Variants in RASAL2 observed in about 807,000 individuals in gnomAD.
The protein encoded by RASAL2 is ras GTPase-activating protein nGAP.
Under a neutral mutation model 128.9 loss-of-function variants are expected in RASAL2, and 58 were observed. The ratio of observed to expected loss-of-function variants is 0.45; its 90% CI spans 0.36 to 0.56. The LOEUF is 0.56. RASAL2 is among the 20% of genes least tolerant of loss of function. The pLI, the probability that RASAL2 is intolerant of heterozygous loss-of-function variation, is 0.00. For synonymous variants in RASAL2, 561 were observed against 580.8 expected, an observed-to-expected ratio of 0.97 and a Z score of 0.49; for missense variants, 1,360 against 1,601.6, an observed-to-expected ratio of 0.85 and a Z score of 2.57.
At chr1:178,440,745 C>T (rs1353628165) in intron 6 of RASAL2, among the ~76,000 whole-genome samples, 1 of 152,054 alleles carries the variant, frequency 6.6e-6, no homozygotes, top group Non-Finnish European at 1.5e-5. Context: ...TTTTAAAGGA[C>T]TGTGTTAATA....
rs935084840 is a variant in RASAL2, at chr1:178,442,670, T to C, written c.928-5T>C. 39 of 1,592,264 alleles carry C rather than the reference T, an allele frequency of 2.4e-5. No homozygotes were observed. Among genetic ancestry groups the C allele is most frequent in the Non-Finnish European group, 3.1e-5 (36 of 1,171,742 alleles). ...CTGAAATTCAGCTTTGTTGCCTCTT[T>C]ATAGGACAATTGCAGGCGAGCTGAA... On this transcript the variant is annotated splice_polypyrimidine_tract_variant and splice_region_variant and intron_variant, in intron 7 of 17. Coordinates refer to ENST00000367649, the MANE Select transcript of RASAL2 (RefSeq NM_170692.4).
intron 3 of RASAL2, among the ~76,000 whole-genome samples, chr1:178,300,818 A>T (rs1667732528): frequency 6.6e-6 from 1 of 152,218 alleles, no homozygotes; most frequent in African/African-American, 2.4e-5. Context: ...GTAATTTTAA[A>T]AGAACATAAT....
chr1:178,259,179 G>A (rs2102123573), intron 1 of RASAL2, among the ~76,000 whole-genome samples: 1 of 147,198 alleles, frequency 6.8e-6, no homozygotes, highest in South Asian at 2.2e-4. Context: ...GGCCCAGGTG[G>A]GAGTGCAGTG....
chr1:178,217,126 C>T (rs1055076804), intron 1 of RASAL2, among the ~76,000 whole-genome samples: 3 of 152,070 alleles, frequency 2.0e-5, no homozygotes, highest in African/African-American at 7.2e-5. Flanking sequence ...TAGGCACGCA[C>T]CACCACGCCT....
At chr1:178,186,177 A>G (rs1662286831) in intron 1 of RASAL2, among the ~76,000 whole-genome samples, 1 of 150,332 alleles carries the variant, frequency 6.7e-6, no homozygotes, top group Admixed American at 6.6e-5. Flanking sequence ...TGTTTGTAAC[A>G]TTTATTGTCC....
At chr1:178,246,250 T>C (rs1351257765) in intron 1 of RASAL2, among the ~76,000 whole-genome samples, 3 of 152,208 alleles carry the variant, frequency 2.0e-5, no homozygotes, top group Non-Finnish European at 2.9e-5. Context: ...CCTTGAGCAG[T>C]GGTTTGTAGT....
At chr1:178,323,734 T>C (rs1430832505) in intron 3 of RASAL2, among the ~76,000 whole-genome samples, 1 of 152,198 alleles carries the variant, frequency 6.6e-6, no homozygotes, top group Non-Finnish European at 1.5e-5. Flanking sequence ...CTTATATTTA[T>C]AGAGAATGAT....
intron 1 of RASAL2, among the ~76,000 whole-genome samples, chr1:178,102,723 A>G (rs1194281344): frequency 6.6e-6 from 1 of 152,176 alleles, no homozygotes; most frequent in Non-Finnish European, 1.5e-5. Flanking sequence ...AATAGGTAAT[A>G]TATTCCTTTG....
chr1:178,172,618 A>T (rs1029024737), intron 1 of RASAL2, among the ~76,000 whole-genome samples: 1 of 152,052 alleles, frequency 6.6e-6, no homozygotes, highest in Admixed American at 6.6e-5. Context: ...TTATATAGTA[A>T]TACCTAAGTA....
intron 1 of RASAL2, among the ~76,000 whole-genome samples, chr1:178,156,321 T>C (rs1661083109): frequency 1.3e-5 from 2 of 152,214 alleles, no homozygotes; most frequent in African/African-American, 4.8e-5. Flanking sequence ...TTATAAAAAT[T>C]ATCTCTAAGT....
chr1:178,121,741 C>T (rs989324776), intron 1 of RASAL2, among the ~76,000 whole-genome samples: 1 of 152,166 alleles, frequency 6.6e-6, no homozygotes, highest in African/African-American at 2.4e-5. Context: ...CCCAGTCAGC[C>T]TCCCAAAGTG....
At chr1:178,400,212 A>G (rs1044033989) in intron 4 of RASAL2, among the ~76,000 whole-genome samples, 1 of 152,092 alleles carries the variant, frequency 6.6e-6, no homozygotes, top group Non-Finnish European at 1.5e-5. Flanking sequence ...TTCCAGACTC[A>G]TTTCCTAATG....
intron 1 of RASAL2, among the ~76,000 whole-genome samples, chr1:178,127,118 A>C (rs570839610): frequency 6.6e-6 from 1 of 152,296 alleles, no homozygotes; most frequent in South Asian, 2.1e-4. Context: ...TGTAATGATT[A>C]ATATTTCCAG....
intron 1 of RASAL2, among the ~76,000 whole-genome samples, chr1:178,115,953 A>G (rs1006623972): frequency 6.6e-6 from 1 of 152,216 alleles, no homozygotes; most frequent in African/African-American, 2.4e-5. Flanking sequence ...TTTTGGTTTA[A>G]TGGTGAATGA....
At chr1:178,143,507 A>C (rs1660607272) in intron 1 of RASAL2, among the ~76,000 whole-genome samples, 1 of 152,130 alleles carries the variant, frequency 6.6e-6, no homozygotes, top group South Asian at 2.1e-4. Flanking sequence ...ATGAATTTAT[A>C]TGGAAAGATT....
chr1:178,194,699 G>A (rs1662603495), intron 1 of RASAL2: 2 of 178,812 alleles, frequency 1.1e-5, no homozygotes, highest in South Asian at 2.7e-4. Flanking sequence ...AGTCTATTTG[G>A]TTTGGGCCAT....
chr1:178,200,260 C>A (rs1234845751), intron 1 of RASAL2, among the ~76,000 whole-genome samples: 1 of 152,048 alleles, frequency 6.6e-6, no homozygotes, highest in Admixed American at 6.6e-5. Flanking sequence ...CTGCTTAATA[C>A]GAATAGACCC....
At chr1:178,326,907 C>A (rs1171370430) in intron 3 of RASAL2, among the ~76,000 whole-genome samples, 2 of 152,032 alleles carry the variant, frequency 1.3e-5, no homozygotes, top group Non-Finnish European at 2.9e-5. Flanking sequence ...CTTCTCTTAC[C>A]GACTTTTTAT....
chr1:178,227,208 C>A lies in RASAL2; in HGVS notation c.203-56356C>A, dbSNP rs536306127. ...AAACTTCCAGTTTAAAAAAAAAAAACACCCTATTTATTTTTGTATTTATGT... is the reference window on the plus strand; with the variant it reads ...AAACTTCCAGTTTAAAAAAAAAAAAAACCCTATTTATTTTTGTATTTATGT... On this transcript the variant is annotated intron_variant, in intron 1 of 17. Transcript: ENST00000367649. 2.6e-5 allele frequency among the ~76,000 whole-genome samples: 4 copies of A among 151,580 alleles called. No homozygotes were observed. The East Asian group carries it at 7.8e-4, about 29-fold the overall frequency.
Sources: gnomAD v4.1 joint callset for allele counts (sites outside exome capture counted in the v4.1 genomes callset) on GRCh38, gnomAD v4.1.1 for gene constraint, MANE v1.5 for transcripts, NCBI Gene and HGNC (gene_info 2026-07-23, HGNC 2026-07-21) for gene names.